Variants in MTA3 observed in about 807,000 individuals in gnomAD.
The protein encoded by MTA3 is metastasis-associated protein MTA3.
MTA3 carries 34 observed loss-of-function variants against 83.5 expected under a neutral mutation model. The observed-to-expected ratio is 0.41, with a 90% CI of 0.31 to 0.54. The LOEUF (loss-of-function observed/expected upper bound fraction) is 0.54, where lower values mean the gene tolerates loss of function less well. MTA3 is among the 20% of genes least tolerant of loss of function. MTA3 has a pLI of 0.33. For missense variants in MTA3, 761 were observed against 726.4 expected (o/e 1.05, Z -0.55); for synonymous variants, 303 against 252.7 (o/e 1.20, Z -1.89).
At chr2:42,634,860 C>G (rs61043118) in intron 4 of MTA3, among the ~76,000 whole-genome samples, 10 of 152,112 alleles carry the variant, frequency 6.6e-5, no homozygotes, top group African/African-American at 2.4e-4. Flanking sequence ...TCCCTATTCC[C>G]TTTGCCATCT....
At chr2:42,586,948 G>A (rs565231485) in intron 3 of MTA3, among the ~76,000 whole-genome samples, 4 of 152,088 alleles carry the variant, frequency 2.6e-5, no homozygotes, top group East Asian at 1.9e-4. Flanking sequence ...GCTTGAACCC[G>A]GGAGGTGGAG....
At chr2:42,597,962 A>G (rs1682036035) in intron 3 of MTA3, among the ~76,000 whole-genome samples, 1 of 152,110 alleles carries the variant, frequency 6.6e-6, no homozygotes, top group Non-Finnish European at 1.5e-5. Context: ...GATTACAGGC[A>G]TGAGCCACTG....
intron 3 of MTA3, among the ~76,000 whole-genome samples, chr2:42,583,590 G>T (rs1679914416): frequency 6.6e-6 from 1 of 152,064 alleles, no homozygotes; most frequent in Non-Finnish European, 1.5e-5. Flanking sequence ...CTGGAGTGCA[G>T]TGGCACAATC....
At chr2:42,696,162 C>T (rs1693373540) in intron 10 of MTA3, among the ~76,000 whole-genome samples, 1 of 152,126 alleles carries the variant, frequency 6.6e-6, no homozygotes, top group Admixed American at 6.5e-5. Flanking sequence ...ACCTCTTGAA[C>T]AAGTTATTTT....
chr2:42,610,350 G>C (rs1684036854), intron 4 of MTA3, among the ~76,000 whole-genome samples: 1 of 152,080 alleles, frequency 6.6e-6, no homozygotes, highest in Non-Finnish European at 1.5e-5. Flanking sequence ...GGATCACTGG[G>C]ATGAAAACTT....
intron 2 of MTA3, among the ~76,000 whole-genome samples, chr2:42,562,724 T>A (rs1267404453): frequency 6.6e-6 from 1 of 152,188 alleles, no homozygotes; most frequent in Non-Finnish European, 1.5e-5. Flanking sequence ...TTTGGCTTAT[T>A]CCTTAGATTG....
intron 16 of MTA3, among the ~76,000 whole-genome samples, chr2:42,740,251 C>G (rs1668930929): frequency 6.6e-6 from 1 of 152,212 alleles, no homozygotes; most frequent in African/African-American, 2.4e-5. Flanking sequence ...TGGTTTACAC[C>G]TGTAGTCCCA....
chr2:42,566,294 T>C (rs1224321657), upstream of MTA3, among the ~76,000 whole-genome samples: 1 of 152,150 alleles, frequency 6.6e-6, no homozygotes, highest in East Asian at 1.9e-4. Flanking sequence ...CTGAACTCCT[T>C]TATGTGTGAA....
chr2:42,580,757 A>T (rs1156233576), intron 3 of MTA3, among the ~76,000 whole-genome samples: 1 of 151,976 alleles, frequency 6.6e-6, no homozygotes, highest in African/African-American at 2.4e-5. Context: ...CACCATGCCC[A>T]GCTAATTTTT....
intron 3 of MTA3, among the ~76,000 whole-genome samples, chr2:42,592,040 G>T (rs1681068427): frequency 6.6e-6 from 1 of 151,972 alleles, no homozygotes; most frequent in African/African-American, 2.4e-5. Context: ...GAGGCTGGCA[G>T]ATTGCTTGAG....
chr2:42,724,650 A>C (rs1323466782), intron 16 of MTA3, among the ~76,000 whole-genome samples: 1 of 151,984 alleles, frequency 6.6e-6, no homozygotes. Flanking sequence ...ACACACACAC[A>C]CACACACGAC....
At chr2:42,633,902 A>C (rs900460863) in intron 4 of MTA3, among the ~76,000 whole-genome samples, 6 of 152,094 alleles carry the variant, frequency 3.9e-5, no homozygotes, top group Non-Finnish European at 7.4e-5. Flanking sequence ...AAAAAAAAAA[A>C]CATATTCTTT....
chr2:42,674,373 A>G (rs566898479), intron 8 of MTA3, among the ~76,000 whole-genome samples: 11 of 152,314 alleles, frequency 7.2e-5, no homozygotes, highest in South Asian at 2.1e-4. Context: ...TCTTTCTCCT[A>G]AAATACTTCT....
At chr2:42,549,495 T>A (rs1244775757) in intron 2 of MTA3, among the ~76,000 whole-genome samples, 1 of 36,084 alleles carries the variant, frequency 2.8e-5, no homozygotes, top group African/African-American at 4.2e-4. Context: ...AAATTATATA[T>A]TATATCATAT....
Position 42,639,275 on chromosome 2 carries a change from G to A in MTA3, c.318-898G>A, listed in dbSNP as rs576380912. Among the ~76,000 whole-genome samples, 14 of 152,054 alleles carry A rather than the reference G, an allele frequency of 9.2e-5. No individual in the cohort carries two copies. The East Asian group carries it at 9.7e-4, about 10-fold the overall frequency. On this transcript the variant is annotated intron_variant, in intron 4 of 16. Transcript: ENST00000405094. ...ATATGTGATATATTTGTTTTTGCAT[G>A]TTGGCTTTTGGAGATGTCTTAATTT...
intron 16 of MTA3, among the ~76,000 whole-genome samples, chr2:42,744,717 G>C (rs1217846098): frequency 6.6e-6 from 1 of 152,150 alleles, no homozygotes; most frequent in Non-Finnish European, 1.5e-5. Context: ...CTAAGAAGAG[G>C]ATTTGACTTA....
At chr2:42,570,751 C>G (rs1267029227) in intron 2 of MTA3, among the ~76,000 whole-genome samples, 1 of 151,982 alleles carries the variant, frequency 6.6e-6, no homozygotes, top group Non-Finnish European at 1.5e-5. Context: ...TGGCTCATGC[C>G]TGTAATCTCA....
intron 2 of MTA3, among the ~76,000 whole-genome samples, chr2:42,561,310 C>G (rs1358420367): frequency 6.6e-6 from 1 of 151,666 alleles, no homozygotes; most frequent in Non-Finnish European, 1.5e-5. Flanking sequence ...ACTAGCATAT[C>G]TGTTTATTTA....
intron 11 of MTA3, chr2:42,698,425 G>A (rs1303291057): frequency 6.6e-6 from 1 of 151,542 alleles, no homozygotes; most frequent in East Asian, 1.9e-4. Context: ...GCTGAGCATG[G>A]TAGTTCACGC....
Sources: allele counts gnomAD v4.1 joint callset (sites outside exome capture counted in the v4.1 genomes callset), GRCh38; gene constraint gnomAD v4.1.1; transcripts MANE v1.5; gene names NCBI Gene and HGNC (gene_info 2026-07-23, HGNC 2026-07-21).